Variants in HMOX1 observed in about 807,000 individuals in gnomAD.
HMOX1 encodes the protein heat shock protein, 32-kD.
A neutral mutation model predicts 27.8 loss-of-function variants in HMOX1; 22 were observed. That is an observed-to-expected ratio of 0.79 (90% confidence interval 0.57 to 1.13). HMOX1 has a LOEUF of 1.13. Among genes scored for constraint, HMOX1 ranks in the 50% most tolerant of loss-of-function variants. HMOX1 has a pLI of 0.00. For synonymous variants in HMOX1, 153 were observed against 151.6 expected, an observed-to-expected ratio of 1.01 and a Z score of -0.07; for missense variants, 379 against 377.7, an observed-to-expected ratio of 1.00 and a Z score of -0.03.
chr22:35,389,383 CCTTCCTTCCTTCCTTTCTTTCTTT>C (rs1393688258), intron 3 of HMOX1, among the ~76,000 whole-genome samples: 37 of 58,360 alleles, frequency 6.3e-4, no homozygotes, highest in Middle Eastern at 6.4e-3. Context: ...TTCCTTCCTT[CCTTCCTTCCTTCCTTTCTTTCTTT>C]CTTTCTTTCT....
chr22:35,390,542 T>G (rs1931690310), intron 4 of HMOX1, among the ~76,000 whole-genome samples: 1 of 152,132 alleles, frequency 6.6e-6, no homozygotes, highest in Non-Finnish European at 1.5e-5. Context: ...TGCGTGTTTT[T>G]GTATGAGAAG....
chr22:35,389,801 C>T (rs1931667061), intron 3 of HMOX1, 63 bp from the exon 4 acceptor site: 2 of 1,124,206 alleles, frequency 1.8e-6, no homozygotes, highest in Non-Finnish European at 2.7e-6. Flanking sequence ...TAAGGTCCTA[C>T]CTTCAGCTGG....
chr22:35,387,377 A>G (rs1405117307), intron 3 of HMOX1, among the ~76,000 whole-genome samples: 1 of 152,238 alleles, frequency 6.6e-6, no homozygotes, highest in Non-Finnish European at 1.5e-5. Context: ...TAAAATAGGG[A>G]TAATAATGGT....
chr22:35,392,684 G>A (rs1931750649), intron 4 of HMOX1, among the ~76,000 whole-genome samples: 1 of 151,366 alleles, frequency 6.6e-6, no homozygotes, highest in South Asian at 2.1e-4. Context: ...TACCCAGGTT[G>A]CATGGTTGGC....
chr22:35,393,627 G>A lies in HMOX1; in HGVS notation c.*29G>A, dbSNP rs1178012514. ...CAGGCATGCTGGCTCCCAGGGCCAT[G>A]AACTTTGTCCGGTGGAAGGCCTTCT... On this transcript the variant is annotated 3_prime_UTR_variant, in exon 5 of 5. Transcript: ENST00000216117. The A allele has an allele frequency of 1.9e-6, 3 of 1,613,874 alleles. No homozygotes were observed. The Admixed American group carries it at 5.0e-5, about 27-fold the overall frequency.
intron 1 of HMOX1, 108 bp downstream of exon 1, chr22:35,381,304 A>G (rs1226125718): frequency 1.0e-5 from 14 of 1,343,788 alleles, no homozygotes; most frequent in Non-Finnish European, 1.4e-5. Context: ...CCCAGGAGCC[A>G]GAAACTTGGG....
chr22:35,386,811 C>T lies in HMOX1; in HGVS notation c.271C>T (p.Gln91Ter). ...GCTGCACCGCAAGGCTGCCCTGGAG[C>T]AGGACCTGGCCTTCTGGTACGGGCC... ...EELHRKAALE[Q>*]DLAFWYGPRW... Residue 91 changes from glutamine to a stop codon, truncating the protein, a stop_gained, in exon 3 of 5, where the codon CAG (glutamine) becomes TAG (stop). Transcript: ENST00000216117. LOFTEE classifies it high-confidence loss of function. 1 of 1,614,236 alleles carries T rather than the reference C, an allele frequency of 6.2e-7. No homozygotes were observed. The highest frequency in any genetic ancestry group is 8.5e-7 in the Non-Finnish European group (1 of 1,180,030).
At chr22:35,391,174 C>A (rs5995098) in intron 4 of HMOX1, among the ~76,000 whole-genome samples, 1 of 152,088 alleles carries the variant, frequency 6.6e-6, no homozygotes, top group East Asian at 1.9e-4. Flanking sequence ...GAGACGTCAC[C>A]CTAATGAAGC....
intron 1 of HMOX1, 27 bp downstream of exon 1, chr22:35,381,223 C>T (rs1304402811): frequency 6.5e-6 from 10 of 1,544,798 alleles, no homozygotes; most frequent in Non-Finnish European, 7.8e-6. Context: ...GGACGCGGGA[C>T]GGGCGCCTTT....
chr22:35,391,586 CTT>C (rs56153278), intron 4 of HMOX1, among the ~76,000 whole-genome samples: 5 of 88,990 alleles, frequency 5.6e-5, no homozygotes, highest in East Asian at 5.7e-4. Flanking sequence ...CGCGCCCGGC[CTT>C]TTTTTTTTTT....
intron 2 of HMOX1, among the ~76,000 whole-genome samples, chr22:35,385,932 G>A (rs1931491034): frequency 7.0e-6 from 1 of 142,588 alleles, no homozygotes; most frequent in African/African-American, 2.6e-5. Context: ...CGTCCAGCTG[G>A]CTAGTTTATT....
Position 35,389,326 on chromosome 22 carries a change from CT to C in HMOX1, c.637-535del, listed in dbSNP as rs1254234631. ...TTCTTTCTTTCTTTCTTTCTTCTTT[CT>C]TTCTTTCTTTCTTCTCCTTCCTTCC... On this transcript the variant is annotated intron_variant, in intron 3 of 4. Coordinates refer to ENST00000216117, the MANE Select transcript of HMOX1 (RefSeq NM_002133.3). 8.8e-4 allele frequency among the ~76,000 whole-genome samples: 101 copies of C among 114,912 alleles called. 3 individuals carry two copies. The Middle Eastern group carries it at 0.027, about 31-fold the overall frequency. The allele number at this position is 114,912 out of a possible 152,430, so 75.4% of individuals were successfully genotyped here.
chr22:35,389,215 C>CTTTCTT (rs1449903335), intron 3 of HMOX1, among the ~76,000 whole-genome samples: 10,223 of 111,966 alleles, frequency 0.091, 952 homozygotes, highest in Middle Eastern at 0.13. Context: ...CTTTCTTTCT[C>CTTTCTT]TCTTTCTTTC....
chr22:35,388,440 A>G (rs1351258861), intron 3 of HMOX1, among the ~76,000 whole-genome samples: 2 of 151,454 alleles, frequency 1.3e-5, no homozygotes, highest in Non-Finnish European at 2.9e-5. Context: ...CAACGGCAAC[A>G]GAGCAAGACT....
In HMOX1 at chr22:35,393,567, C is replaced by T. The variant is rs148193694; in HGVS notation, c.836C>T (p.Ala279Val). Residue 279 changes from alanine to valine, a missense_variant, in exon 5 of 5, where the codon GCG becomes GTG. Transcript: ENST00000216117. Reference protein sequence around the residue: ...RWVLTLSFLVATVAVGLYAM With the variant: ...RWVLTLSFLVVTVAVGLYAM ...GTCCTTACACTCAGCTTTCTGGTGG[C>T]GACAGTTGCTGTAGGGCTTTATGCC... 2.4e-4 allele frequency: 387 copies of T among 1,614,208 alleles called. No homozygotes were observed. Among genetic ancestry groups the T allele is most frequent in the Middle Eastern group, 6.6e-4 (4 of 6,062 alleles).
At chr22:35,388,882 C>T (rs1204608445) in intron 3 of HMOX1, among the ~76,000 whole-genome samples, 1 of 152,084 alleles carries the variant, frequency 6.6e-6, no homozygotes, top group Non-Finnish European at 1.5e-5. Flanking sequence ...CCTGTAGGAG[C>T]TACAGTTTCC....
chr22:35,381,172 G>C lies in HMOX1; in HGVS notation c.-2G>C. ...AGCACGAACGAGCCCAGCACCGGCC[G>C]GATGGAGCGTCCGCAACCCGACAGG... On this transcript the variant is annotated 5_prime_UTR_variant, in exon 1 of 5. Coordinates refer to ENST00000216117, the MANE Select transcript of HMOX1 (RefSeq NM_002133.3). 4.5e-6 allele frequency: 7 copies of C among 1,543,384 alleles called. No homozygotes were observed. Among genetic ancestry groups the C allele is most frequent in the Non-Finnish European group, 5.2e-6 (6 of 1,150,534 alleles).
rs757122732 is a variant in HMOX1, at chr22:35,386,820, G to C, written c.280G>C (p.Ala94Pro). Residue 94 changes from alanine to proline, a missense_variant, in exon 3 of 5, where the codon GCC becomes CCC. Transcript: ENST00000216117. ...CAAGGCTGCCCTGGAGCAGGACCTGGCCTTCTGGTACGGGCCCCGCTGGCA... is the reference window on the plus strand; with the variant it reads ...CAAGGCTGCCCTGGAGCAGGACCTGCCCTTCTGGTACGGGCCCCGCTGGCA... ...HRKAALEQDL[A>P]FWYGPRWQEV... The C allele has an allele frequency of 4.3e-6, 7 of 1,614,212 alleles. No homozygotes were observed. The highest frequency in any genetic ancestry group is 5.9e-6 in the Non-Finnish European group (7 of 1,180,026).
chr22:35,389,258 C>T (rs1569057172), intron 3 of HMOX1, among the ~76,000 whole-genome samples: 9 of 112,500 alleles, frequency 8.0e-5, no homozygotes, highest in African/African-American at 3.5e-4. Context: ...TTTTCTCTCT[C>T]TCTCTCTCTC....
Sources: gnomAD v4.1 joint callset for allele counts (sites outside exome capture counted in the v4.1 genomes callset) on GRCh38, gnomAD v4.1.1 for gene constraint, MANE v1.5 for transcripts, NCBI Gene and HGNC (gene_info 2026-07-23, HGNC 2026-07-21) for gene names.